The following GALNTL6 variants were observed in gnomAD, a reference collection of about 807,000 sequenced individuals.
The protein encoded by GALNTL6 is polypeptide N-acetylgalactosaminyltransferase-like 6.
A neutral mutation model predicts 73.7 loss-of-function variants in GALNTL6; 46 were observed. That is an observed-to-expected ratio of 0.62 (90% CI 0.49 to 0.80). The LOEUF (loss-of-function observed/expected upper bound fraction) is 0.80, where lower values mean the gene tolerates loss of function less well. Among genes scored for constraint, GALNTL6 ranks in the 30% least tolerant of loss-of-function variants. The probability of loss-of-function intolerance (pLI) is 0.00; values close to 1 mark genes in which losing one functional copy is unlikely to be tolerated. For synonymous variants in GALNTL6, 259 were observed against 263.7 expected (o/e 0.98, Z 0.17); for missense variants, 604 against 755.0 (o/e 0.80, Z 2.34).
intron 5 of GALNTL6, among the ~76,000 whole-genome samples, chr4:172,446,043 T>A (rs1264092278): frequency 1.3e-5 from 2 of 152,080 alleles, no homozygotes; most frequent in African/African-American, 4.8e-5. Flanking sequence ...TAATCAGGTG[T>A]GATACATCCT....
intron 5 of GALNTL6, among the ~76,000 whole-genome samples, chr4:172,573,079 C>T (rs1033140981): frequency 6.6e-6 from 1 of 152,028 alleles, no homozygotes; most frequent in Non-Finnish European, 1.5e-5. Context: ...AGTGTTTACC[C>T]GGCTACATGA....
intron 5 of GALNTL6, among the ~76,000 whole-genome samples, chr4:172,734,942 T>C (rs1383122200): frequency 1.3e-5 from 2 of 152,190 alleles, no homozygotes; most frequent in African/African-American, 4.8e-5. Context: ...AGTCAAGTAT[T>C]AAGGTTTGGG....
In GALNTL6 at chr4:171,973,220, T is replaced by A. The variant is rs78768609; in HGVS notation, c.138+158502T>A. ...ACTGTTTTGTCTTAATTCTAACATA[T>A]TTTATGATATGTCTTCTTTTGGAGA... On this transcript the variant is annotated intron_variant, in intron 2 of 12. Transcript: ENST00000506823. Among the ~76,000 whole-genome samples the A allele has an allele frequency of 1.8e-3, 272 of 152,300 alleles. 3 individuals carry two copies. Among genetic ancestry groups the A allele is most frequent in the Admixed American group, 0.012 (190 of 15,276 alleles).
chr4:172,251,483 A>AT (rs1737869091), intron 3 of GALNTL6, among the ~76,000 whole-genome samples: 1 of 152,196 alleles, frequency 6.6e-6, no homozygotes. Flanking sequence ...TCAGAAGTTA[A>AT]TTCTCTGTGG....
chr4:172,779,816 A>C (rs1229975848), intron 5 of GALNTL6, among the ~76,000 whole-genome samples: 1 of 152,274 alleles, frequency 6.6e-6, no homozygotes, highest in Non-Finnish European at 1.5e-5. Flanking sequence ...TTGTAGCAGT[A>C]AAATAGTTTG....
At chr4:172,671,812 GT>G (rs879805099) in intron 5 of GALNTL6, among the ~76,000 whole-genome samples, 35 of 152,082 alleles carry the variant, frequency 2.3e-4, no homozygotes, top group Admixed American at 2.2e-3. Flanking sequence ...GGCTCTTATT[GT>G]TTTGAAATAT....
chr4:172,488,842 G>A (rs998180834), intron 5 of GALNTL6, among the ~76,000 whole-genome samples: 1 of 135,130 alleles, frequency 7.4e-6, no homozygotes, highest in East Asian at 2.7e-4. Context: ...CCTGGGGTGG[G>A]GGTGGGGGGT....
chr4:172,208,406 A>G (rs967177137), intron 2 of GALNTL6, among the ~76,000 whole-genome samples: 1 of 152,212 alleles, frequency 6.6e-6, no homozygotes, highest in Non-Finnish European at 1.5e-5. Context: ...AACATAATTA[A>G]ATAAAAGAAA....
intron 5 of GALNTL6, among the ~76,000 whole-genome samples, chr4:172,466,008 A>G (rs1213603499): frequency 4.6e-5 from 7 of 152,184 alleles, no homozygotes; most frequent in African/African-American, 1.7e-4. Flanking sequence ...CATTTCTTAA[A>G]ATGTTTTTGT....
chr4:172,487,266 C>CCTCTTTCTTT (rs1733705824), intron 5 of GALNTL6, among the ~76,000 whole-genome samples: 3 of 145,154 alleles, frequency 2.1e-5, no homozygotes, highest in African/African-American at 7.6e-5. Context: ...TTCCTTCCTT[C>CCTCTTTCTTT]CTTTCCTCTT....
chr4:172,106,440 T>C (rs909767498), intron 2 of GALNTL6, among the ~76,000 whole-genome samples: 3 of 152,200 alleles, frequency 2.0e-5, no homozygotes, highest in African/African-American at 7.2e-5. Context: ...GTAATAAACA[T>C]GTCCATCAGA....
chr4:171,850,814 A>AG (rs374881046), intron 2 of GALNTL6, among the ~76,000 whole-genome samples: 143 of 152,194 alleles, frequency 9.4e-4, no homozygotes, highest in Non-Finnish European at 1.8e-3. Flanking sequence ...CTTGGCCAAG[A>AG]GGGGGTCTGT....
At chr4:171,913,971 G>T (rs886290887) in intron 2 of GALNTL6, among the ~76,000 whole-genome samples, 1 of 151,908 alleles carries the variant, frequency 6.6e-6, no homozygotes, top group African/African-American at 2.4e-5. Flanking sequence ...ATGTAAAAAT[G>T]CATTTTAACT....
At chr4:172,049,627 T>C (rs1481896499) in intron 2 of GALNTL6, among the ~76,000 whole-genome samples, 2 of 152,170 alleles carry the variant, frequency 1.3e-5, no homozygotes, top group Non-Finnish European at 2.9e-5. Context: ...AAGACCACGT[T>C]TATTCTCAAA....
At chr4:172,642,323 A>G (rs2111125566) in intron 5 of GALNTL6, among the ~76,000 whole-genome samples, 1 of 152,182 alleles carries the variant, frequency 6.6e-6, no homozygotes, top group East Asian at 1.9e-4. Flanking sequence ...TGTGGAATCA[A>G]CCTAAGTGTC....
At chr4:172,888,570 C>T (rs1247703850) in intron 8 of GALNTL6, among the ~76,000 whole-genome samples, 8 of 152,074 alleles carry the variant, frequency 5.3e-5, no homozygotes, top group Admixed American at 3.3e-4. Context: ...TCATTGTAGG[C>T]GTGCTACCTT....
At chr4:172,991,301 AT>A (rs1276808326) in intron 10 of GALNTL6, among the ~76,000 whole-genome samples, 2 of 152,062 alleles carry the variant, frequency 1.3e-5, no homozygotes, top group Non-Finnish European at 2.9e-5. Flanking sequence ...AATATATTTT[AT>A]TATCTCAATA....
At chr4:172,148,687 T>C (rs780179479) in intron 2 of GALNTL6, among the ~76,000 whole-genome samples, 2 of 152,208 alleles carry the variant, frequency 1.3e-5, no homozygotes, top group Non-Finnish European at 2.9e-5. Context: ...TCTGAAACTA[T>C]GAATTATCAA....
At chr4:172,295,917 TA>T (rs1441181038) in intron 3 of GALNTL6, among the ~76,000 whole-genome samples, 27 of 152,300 alleles carry the variant, frequency 1.8e-4, no homozygotes, top group African/African-American at 5.8e-4. Flanking sequence ...AATAAAGTTT[TA>T]TTTTTTCTTT....
Sources: gnomAD v4.1 joint callset for allele counts (sites outside exome capture counted in the v4.1 genomes callset) on GRCh38, gnomAD v4.1.1 for gene constraint, MANE v1.5 for transcripts, NCBI Gene and HGNC (gene_info 2026-07-23, HGNC 2026-07-21) for gene names.